KCNJ4: variants seen among roughly 807,000 people sequenced by gnomAD.
KCNJ4 encodes inward rectifier potassium channel 4.
Under a neutral mutation model 25.6 loss-of-function variants are expected in KCNJ4, and 3 were observed. The ratio of observed to expected loss-of-function variants is 0.12; its 90% CI spans 0.05 to 0.30. KCNJ4 has a LOEUF of 0.30. Ranked by LOEUF, KCNJ4 falls within the 10% of genes least tolerant of loss-of-function variation. The pLI is 1.00. For synonymous variants in KCNJ4, 257 were observed against 283.9 expected, an observed-to-expected ratio of 0.91 and a Z score of 0.95; for missense variants, 286 against 666.8, an observed-to-expected ratio of 0.43 and a Z score of 6.29.
intron 1 of KCNJ4, among the ~76,000 whole-genome samples, chr22:38,452,519 C>G (rs998127364): frequency 6.6e-6 from 1 of 152,222 alleles, no homozygotes; most frequent in Non-Finnish European, 1.5e-5. Context: ...TTGCCCCCGG[C>G]CCTCTGGCCC....
chr22:38,441,854 G>C (rs966632846), intron 1 of KCNJ4, among the ~76,000 whole-genome samples: 5 of 152,222 alleles, frequency 3.3e-5, no homozygotes, highest in Admixed American at 6.5e-5. Flanking sequence ...GCCCATCCAC[G>C]AATGGCACAG....
In KCNJ4 at chr22:38,449,829, G is replaced by A. The variant is rs890932417; in HGVS notation, c.-40+5151C>T. Among the ~76,000 whole-genome samples the A allele has an allele frequency of 7.2e-5, 11 of 152,366 alleles. No homozygotes were observed. The highest frequency in any genetic ancestry group is 2.6e-4 in the African/African-American group (11 of 41,594). ...CTTCCAGGTTCACGACAGGGACCCCGTGTTGGGCCACGGGGCCAGGATTGG... is the reference window on the plus strand; with the variant it reads ...CTTCCAGGTTCACGACAGGGACCCCATGTTGGGCCACGGGGCCAGGATTGG... On this transcript the variant is annotated intron_variant, in intron 1 of 1. Coordinates refer to ENST00000303592, the MANE Select transcript of KCNJ4 (RefSeq NM_152868.3). This position sits in a 1 kb window ranked among gnomAD's most constrained non-coding sequence, Gnocchi z 5.2.
chr22:38,427,286 C>G lies in KCNJ4; in HGVS notation c.847G>C (p.Asp283His). 1 of 1,613,892 alleles carries G rather than the reference C, an allele frequency of 6.2e-7. No homozygotes were observed. Among genetic ancestry groups the G allele is most frequent in the Non-Finnish European group, 8.5e-7 (1 of 1,180,012 alleles). The stretch of plus-strand genomic sequence containing the variant: ...TCCAGGATGACCACGATCTCAAAGT[C>G]CTCCGACTCCAGCTCCTCCTTGCCC... ...GMGKEELESE[D>H]FEIVVILEGM... Residue 283 changes from aspartate (D) to histidine (H), a missense_variant, in exon 2 of 2, where the codon GAC (aspartate) becomes CAC (histidine). Asp to His is a moderately conservative substitution (Grantham distance 81). This residue lies in a region of KCNJ4 where 39 missense variants were observed against 100.9 expected (regional missense o/e 0.39). Transcript: ENST00000303592.
chr22:38,428,031 G>A lies in KCNJ4; in HGVS notation c.102C>T (p.Asn34=). ...KNGQCNVYFA[N]LSNKSQRYMA... ...TGTAGCGCTGCGACTTGTTGCTCAG[G>A]TTGGCGAAGTACACGTTGCATTGGC... The change falls in exon 2 of 2, where the codon AAC becomes AAT. Residue 34 remains asparagine (N), a synonymous_variant. Transcript: ENST00000303592. 7 of 1,614,204 alleles carry A rather than the reference G, an allele frequency of 4.3e-6. No homozygotes were observed. The highest frequency in any genetic ancestry group is 5.9e-6 in the Non-Finnish European group (7 of 1,179,990).
chr22:38,450,937 G>A (rs927867539), intron 1 of KCNJ4, among the ~76,000 whole-genome samples: 1 of 152,088 alleles, frequency 6.6e-6, no homozygotes, highest in Non-Finnish European at 1.5e-5. Flanking sequence ...GACAGCCCCC[G>A]AGAATCAGAC....
intron 1 of KCNJ4, among the ~76,000 whole-genome samples, chr22:38,442,257 A>G (rs2089340201): frequency 6.6e-6 from 1 of 152,178 alleles, no homozygotes; most frequent in Non-Finnish European, 1.5e-5. Context: ...AGGCATTCAT[A>G]AGGTTGTGTG....
chr22:38,430,891 A>G (rs2093047705), intron 1 of KCNJ4, among the ~76,000 whole-genome samples: 3 of 152,214 alleles, frequency 2.0e-5, no homozygotes, highest in African/African-American at 7.2e-5. Flanking sequence ...GGACTTGCTA[A>G]GAGTCCCAGA....
chr22:38,435,865 C>G (rs196073), intron 1 of KCNJ4, among the ~76,000 whole-genome samples: 29,539 of 151,992 alleles, frequency 0.19, 5,649 homozygotes, highest in African/African-American at 0.5. Context: ...GAACTCAAGA[C>G]CCCAGGCCCA....
chr22:38,441,822 AC>A (rs1423069866), intron 1 of KCNJ4, among the ~76,000 whole-genome samples: 1 of 152,182 alleles, frequency 6.6e-6, no homozygotes, highest in Admixed American at 6.5e-5. Flanking sequence ...CTTCAGCAGC[AC>A]CGCCTGGAAG....
chr22:38,431,903 G>A (rs545110622), intron 1 of KCNJ4, among the ~76,000 whole-genome samples: 13 of 152,074 alleles, frequency 8.5e-5, no homozygotes, highest in African/African-American at 3.1e-4. Context: ...GGCAGGAGAG[G>A]GTCAAAAGGC....
chr22:38,427,590 C>A lies in KCNJ4; in HGVS notation c.543G>T (p.Arg181=). Residue 181 remains arginine, a synonymous_variant, in exon 2 of 2, where the codon CGG becomes CGT. Coordinates refer to ENST00000303592, the MANE Select transcript of KCNJ4 (RefSeq NM_152868.3). The part of the protein sequence containing the change: ...IMAKMARPKK[R]AQTLLFSHHA... ...GGTGGCTGAACAGCAACGTCTGCGC[C>A]CGCTTCTTGGGCCGCGCCATCTTGG... is the stretch of plus-strand genomic sequence containing the variant. 1.9e-6 allele frequency: 3 copies of A among 1,612,214 alleles called. No homozygotes were observed. The highest frequency in any genetic ancestry group is 2.5e-6 in the Non-Finnish European group (3 of 1,179,072).
At position 38,431,215 on chromosome 22, in the gene KCNJ4, C is replaced by T. The variant is rs117608887; in HGVS notation, c.-39-3044G>A. ...CCGGTGGGATTGCCTCCTGACATGG[C>T]GAGTTCACCTGGTGCTGCAGACGAG... On this transcript the variant is annotated intron_variant, in intron 1 of 1. Coordinates refer to ENST00000303592, the MANE Select transcript of KCNJ4 (RefSeq NM_152868.3). Among the ~76,000 whole-genome samples, 10 of 152,306 alleles carry T rather than the reference C, an allele frequency of 6.6e-5. No individual in the cohort carries two copies. In the East Asian group the frequency reaches 7.7e-4, roughly 12 times the overall value.
intron 1 of KCNJ4, among the ~76,000 whole-genome samples, chr22:38,448,486 C>T (rs778641027): frequency 9.2e-5 from 14 of 152,144 alleles, no homozygotes; most frequent in Non-Finnish European, 1.8e-4. Context: ...TGACGCAGGC[C>T]ACCCTTCCTA....
Position 38,449,362 on chromosome 22 carries a change from G to C in KCNJ4, c.-40+5618C>G, listed in dbSNP as rs1378182906. ...CAGTATTCTCATCTGAGAAGTGGGG[G>C]TGATGGTTCTCCCAGGGTGGTGGAG... On this transcript the variant is annotated intron_variant, in intron 1 of 1. Transcript: ENST00000303592. This position sits in a 1 kb window ranked among gnomAD's most constrained non-coding sequence, Gnocchi z 5.2. Among the ~76,000 whole-genome samples the C allele has an allele frequency of 6.6e-6, 1 of 152,160 alleles. No individual in the cohort carries two copies. The highest frequency in any genetic ancestry group is 1.5e-5 in the Non-Finnish European group (1 of 68,012).
At chr22:38,438,203 G>A (rs537719652) in intron 1 of KCNJ4, among the ~76,000 whole-genome samples, 51 of 130,922 alleles carry the variant, frequency 3.9e-4, no homozygotes, top group African/African-American at 1.4e-3. Flanking sequence ...TCATGCCATT[G>A]CATTCCAGCC....
At chr22:38,429,748 G>T (rs1203603761) in intron 1 of KCNJ4, among the ~76,000 whole-genome samples, 1 of 152,224 alleles carries the variant, frequency 6.6e-6, no homozygotes, top group Non-Finnish European at 1.5e-5. Context: ...CCCCAGGGAA[G>T]ACATGCTGCT....
intron 1 of KCNJ4, among the ~76,000 whole-genome samples, chr22:38,433,843 G>T (rs542688233): frequency 1.3e-5 from 2 of 152,262 alleles, no homozygotes; most frequent in South Asian, 4.2e-4. Context: ...GCCTCCTGGG[G>T]GTCCAGAGGA....
intron 1 of KCNJ4, among the ~76,000 whole-genome samples, chr22:38,444,733 C>T (rs771267877): frequency 3.5e-4 from 53 of 152,236 alleles, no homozygotes; most frequent in Non-Finnish European, 5.0e-4. Context: ...ACTGACAGAA[C>T]GCCTGCCATG....
chr22:38,439,190 T>C (rs945024460), intron 1 of KCNJ4, among the ~76,000 whole-genome samples: 2 of 151,952 alleles, frequency 1.3e-5, no homozygotes, highest in Non-Finnish European at 2.9e-5. Context: ...TCCCAGCACT[T>C]TGGGAGGCCA....
Sources: allele counts gnomAD v4.1 joint callset (sites outside exome capture counted in the v4.1 genomes callset), GRCh38; gene constraint gnomAD v4.1.1; regional missense constraint gnomAD v4.1.1; non-coding constraint Gnocchi (gnomAD v3.1); transcripts MANE v1.5; gene names NCBI Gene and HGNC (gene_info 2026-07-23, HGNC 2026-07-21).